Variants in ABHD18 observed in about 807,000 individuals in gnomAD.
ABHD18 encodes abhydrolase domain containing 18, also known as cardiolipin-specific deacylase, mitochondrial.
In ABHD18, 55 loss-of-function variants were observed where a neutral mutation model predicts 65.9. That is an observed-to-expected ratio of 0.84 (90% confidence interval 0.67 to 1.05). ABHD18 has a LOEUF of 1.05. Ranked by LOEUF, ABHD18 falls within the 50% of genes least tolerant of loss-of-function variation. The pLI is 0.00. For missense variants in ABHD18, 533 were observed against 558.5 expected, an observed-to-expected ratio of 0.95 and a Z score of 0.46; for synonymous variants, 181 against 180.2, an observed-to-expected ratio of 1.00 and a Z score of -0.04.
intron 1 of ABHD18, among the ~76,000 whole-genome samples, chr4:127,970,229 CTTATTG>C (rs1021932434): frequency 2.0e-5 from 3 of 151,908 alleles, no homozygotes; most frequent in African/African-American, 7.2e-5. Flanking sequence ...GTGGATTCTA[CTTATTG>C]TTATTGATGC....
intron 1 of ABHD18, among the ~76,000 whole-genome samples, chr4:127,967,551 A>T (rs1156522296): frequency 6.6e-6 from 1 of 152,156 alleles, no homozygotes; most frequent in African/African-American, 2.4e-5. Context: ...AAGGTGGCTT[A>T]CTCAAGGTCA....
In ABHD18 at chr4:128,035,952, A is replaced by G. The variant is rs2149204821; in HGVS notation, c.*139A>G. 2.2e-6 allele frequency: 1 copy of G among 457,560 alleles called. No homozygotes were observed. Among genetic ancestry groups the G allele is most frequent in the African/African-American group, 1.9e-5 (1 of 51,376 alleles). 28.3% of individuals were successfully genotyped at this position (457,560 alleles called of 1,614,324 possible). A position where few individuals can be genotyped will look rare whatever the true frequency, so the allele number is the denominator to read the frequency against. ...TTTGGTCTGGAATTCATTGTTACAC[A>G]TCAGTTAACTATAAACTTCGAATAC... is the stretch of plus-strand genomic sequence containing the variant. On this transcript the variant is annotated 3_prime_UTR_variant, in exon 13 of 13. Transcript: ENST00000645843.
At chr4:127,983,414 A>G (rs956177621) in intron 2 of ABHD18, among the ~76,000 whole-genome samples, 2 of 152,192 alleles carry the variant, frequency 1.3e-5, no homozygotes, top group African/African-American at 4.8e-5. Context: ...AATACTCCGT[A>G]GCTCACAGGA....
At chr4:128,011,971 G>A (rs1754657117) in intron 7 of ABHD18, among the ~76,000 whole-genome samples, 3 of 151,516 alleles carry the variant, frequency 2.0e-5, no homozygotes, top group Non-Finnish European at 2.9e-5. Context: ...ATGAAGAAAT[G>A]ATAAAACCCT....
At chr4:128,008,433 G>A (rs946237474) in intron 4 of ABHD18, among the ~76,000 whole-genome samples, 6 of 151,160 alleles carry the variant, frequency 4.0e-5, no homozygotes, top group African/African-American at 1.2e-4. Context: ...CACCATGCCC[G>A]GCTAATTTTA....
intron 9 of ABHD18, 66 bp downstream of exon 9, chr4:128,020,235 C>T: frequency 9.3e-7 from 1 of 1,079,140 alleles, no homozygotes; most frequent in Non-Finnish European, 1.4e-6. Flanking sequence ...TGGGGGGGTC[C>T]CCAAAACCAC....
At chr4:127,977,240 A>G (rs1436315645) in intron 1 of ABHD18, among the ~76,000 whole-genome samples, 1 of 152,098 alleles carries the variant, frequency 6.6e-6, no homozygotes, top group African/African-American at 2.4e-5. Context: ...TGGGAGGCTG[A>G]GGCAGGTGGA....
intron 3 of ABHD18, among the ~76,000 whole-genome samples, chr4:127,986,597 A>T (rs1207880433): frequency 2.0e-5 from 3 of 152,230 alleles, no homozygotes; most frequent in Non-Finnish European, 4.4e-5. Context: ...ATTATTGGTC[A>T]TGTGATGATA....
intron 7 of ABHD18, 71 bp downstream of exon 7, chr4:128,011,771 C>A: frequency 1.8e-6 from 2 of 1,090,590 alleles, no homozygotes; most frequent in Non-Finnish European, 2.5e-6. Flanking sequence ...TTTTGGTTGC[C>A]TTCAGTTAAC....
intron 4 of ABHD18, chr4:128,001,781 C>T (rs1752666895): frequency 1.3e-6 from 2 of 1,538,594 alleles, no homozygotes; most frequent in Middle Eastern, 1.7e-4. Flanking sequence ...AGTTATTTCT[C>T]TCTAGAAACT....
intron 4 of ABHD18, among the ~76,000 whole-genome samples, chr4:127,999,551 G>A (rs983900601): frequency 2.0e-5 from 3 of 152,150 alleles, no homozygotes; most frequent in Non-Finnish European, 4.4e-5. Context: ...CTACCTATCA[G>A]GTACTATGCT....
intron 10 of ABHD18, among the ~76,000 whole-genome samples, chr4:128,023,190 A>G (rs1324112116): frequency 2.6e-5 from 4 of 152,114 alleles, no homozygotes; most frequent in Non-Finnish European, 5.9e-5. Context: ...AAATCACTGT[A>G]AACTTTACTC....
chr4:128,001,841 G>GT (rs1752685982), intron 4 of ABHD18: 43 of 1,243,760 alleles, frequency 3.5e-5, no homozygotes, highest in South Asian at 1.6e-4. Context: ...GTTTTGTTTT[G>GT]TTTTGTTTTT....
chr4:127,971,298 A>T (rs561951465), intron 1 of ABHD18, among the ~76,000 whole-genome samples: 2 of 151,662 alleles, frequency 1.3e-5, no homozygotes, highest in East Asian at 3.9e-4. Context: ...CATTCCAATG[A>T]CATGCCACTG....
At chr4:127,970,752 G>A (rs749204031) in intron 1 of ABHD18, among the ~76,000 whole-genome samples, 2 of 151,750 alleles carry the variant, frequency 1.3e-5, no homozygotes, top group Non-Finnish European at 2.9e-5. Flanking sequence ...GACTAGCCTG[G>A]TCAACATAGC....
chr4:127,980,311 A>T lies in ABHD18; in HGVS notation c.-17-2628A>T, dbSNP rs563708741. Among the ~76,000 whole-genome samples the T allele has an allele frequency of 4.6e-5, 7 of 152,308 alleles. 1 individual carries two copies. The South Asian group carries it at 1.4e-3, about 32-fold the overall frequency. On this transcript the variant is annotated intron_variant, in intron 1 of 12. Transcript: ENST00000645843. ...TTATGCAGCAAGAAGGTCCTCACCAAATGTTTCCCCCTCAACCTTGGACTT... is the reference window on the plus strand; with the variant it reads ...TTATGCAGCAAGAAGGTCCTCACCATATGTTTCCCCCTCAACCTTGGACTT...
chr4:128,032,804 T>C (rs112370528), intron 12 of ABHD18, among the ~76,000 whole-genome samples: 41 of 152,210 alleles, frequency 2.7e-4, no homozygotes, highest in Non-Finnish European at 4.6e-4. Flanking sequence ...AGCTTATTGA[T>C]AATACAGGTG....
rs68181480 is a variant in ABHD18, at chr4:128,039,185, A to ATATG, written c.*3372_*3373insTATG. 1 of 129,166 alleles carries ATATG rather than the reference A, an allele frequency of 7.7e-6. No individual in the cohort carries two copies. Among genetic ancestry groups the ATATG allele is most frequent in the African/African-American group, 2.8e-5 (1 of 35,892 alleles). 8.0% of individuals were successfully genotyped at this position (129,166 alleles called of 1,614,324 possible). A position where few individuals can be genotyped will look rare whatever the true frequency, so the allele number is the denominator to read the frequency against. Reference sequence around the variant, plus strand: ...TATATATATATATATATATATATATAATCTCAAAGAAGTGCGGTCTGCCAT... The same window carrying ATATG: ...TATATATATATATATATATATATATATATGATCTCAAAGAAGTGCGGTCTGCCAT... On this transcript the variant is annotated 3_prime_UTR_variant, in exon 13 of 13. Transcript: ENST00000645843.
intron 4 of ABHD18, among the ~76,000 whole-genome samples, chr4:127,998,912 A>G (rs17012860): frequency 0.02 from 2,984 of 152,240 alleles, 82 homozygotes; most frequent in African/African-American, 0.064. Context: ...TTGAATGATT[A>G]TTGGGATGAA....
Sources: gnomAD v4.1 joint callset for allele counts (sites outside exome capture counted in the v4.1 genomes callset) on GRCh38, gnomAD v4.1.1 for gene constraint, MANE v1.5 for transcripts, NCBI Gene and HGNC (gene_info 2026-07-23, HGNC 2026-07-21) for gene names.